The following MDFI variants were observed in gnomAD, a reference collection of about 807,000 sequenced individuals.
MDFI encodes the protein inhibitor of MyoD family a.
A neutral mutation model predicts 22.3 loss-of-function variants in MDFI; 16 were observed. The observed-to-expected ratio is 0.72, with a 90% CI of 0.49 to 1.09. MDFI has a LOEUF of 1.09. MDFI is among the 50% of genes least tolerant of loss of function. The pLI is 0.00. For missense variants in MDFI, 314 were observed against 326.1 expected (o/e 0.96, Z 0.29); for synonymous variants, 145 against 142.7 (o/e 1.02, Z -0.12).
chr6:41,646,978 A>G (rs1768075905), intron 3 of MDFI, among the ~76,000 whole-genome samples: 1 of 152,216 alleles, frequency 6.6e-6, no homozygotes, highest in Admixed American at 6.5e-5. Flanking sequence ...ACAGGCACAG[A>G]GAACGGCCCA....
In MDFI at chr6:41,646,645, C is replaced by T. The variant is rs372173467; in HGVS notation, c.259+337C>T. ...AGGGAGCCAGGGCCTGATGCATCTC[C>T]ATCCTTCCGGGAATCAGGGATAAAA... On this transcript the variant is annotated intron_variant, in intron 3 of 4. Coordinates refer to ENST00000230321, the MANE Select transcript of MDFI (RefSeq NM_005586.4). 5.9e-5 allele frequency among the ~76,000 whole-genome samples: 9 copies of T among 152,288 alleles called. 1 individual carries two copies. The South Asian group carries it at 1.9e-3, about 32-fold the overall frequency.
chr6:41,649,687 C>G lies in MDFI; in HGVS notation c.328C>G (p.Leu110Val), dbSNP rs201452156. ...LPNDSGHPSE[L>V]GGTRRAGNGA... ...GAATGACTCTGGCCACCCCTCAGAG[C>G]TGGGCGGCACCAGACGGGCGGGGAA... Residue 110 changes from leucine to valine, a missense_variant, in exon 4 of 5, where the codon CTG becomes GTG. By Grantham distance (32) the Leu-to-Val change is conservative (BLOSUM62 1). Transcript: ENST00000230321. The G allele has an allele frequency of 2.4e-5, 39 of 1,613,694 alleles. No individual in the cohort carries two copies. The highest frequency in any genetic ancestry group is 4.2e-6 in the Non-Finnish European group (5 of 1,179,864).
Position 41,653,641 on chromosome 6 carries a change from G to T in MDFI, c.*66G>T. On this transcript the variant is annotated 3_prime_UTR_variant, in exon 5 of 5. Coordinates refer to ENST00000230321, the MANE Select transcript of MDFI (RefSeq NM_005586.4). This position sits in a 1 kb window ranked among gnomAD's most constrained non-coding sequence, Gnocchi z 4.2. ...TTCCAGCAGGGTCCCTCTGAGTGGG[G>T]CCAGGCCCAGGACTGTCACACAAGG... The T allele has an allele frequency of 6.3e-7, 1 of 1,577,888 alleles. No individual in the cohort carries two copies. The highest frequency in any genetic ancestry group is 1.3e-5 in the African/African-American group (1 of 74,652).
intron 4 of MDFI, among the ~76,000 whole-genome samples, chr6:41,652,402 G>T (rs371328575): frequency 3.9e-5 from 6 of 152,140 alleles, no homozygotes; most frequent in South Asian, 4.1e-4. Context: ...TATCACAAGC[G>T]ACATGTGAAC....
intron 4 of MDFI, chr6:41,650,142 C>T (rs1768215768): frequency 8.0e-6 from 3 of 373,710 alleles, no homozygotes; most frequent in Non-Finnish European, 9.6e-6. Flanking sequence ...CCTTCTTTCC[C>T]AGAGTTGCTG....
In MDFI at chr6:41,646,163, A is replaced by G; in HGVS notation, c.114A>G (p.Val38=). ...TLSLLPGLEV[V]TGSTHPAEAA... ...CCCTCCTTCCTGGGCTGGAGGTAGT[A>G]ACAGGATCCACTCACCCTGCGGAGG... The change falls in exon 3 of 5, where the codon GTA becomes GTG. Residue 38 remains valine, a synonymous_variant. Coordinates refer to ENST00000230321, the MANE Select transcript of MDFI (RefSeq NM_005586.4). The G allele has an allele frequency of 6.4e-7, 1 of 1,572,510 alleles. No individual in the cohort carries two copies. Among genetic ancestry groups the G allele is most frequent in the South Asian group, 1.2e-5 (1 of 84,814 alleles).
rs1405036164 is a variant in MDFI, at chr6:41,651,819, C to T, written c.485-1500C>T. On this transcript the variant is annotated intron_variant, in intron 4 of 4. Coordinates refer to ENST00000230321, the MANE Select transcript of MDFI (RefSeq NM_005586.4). Reference sequence around the variant, plus strand: ...CACGGAGGGCTGCAGGACGTGGGTTCTAGAGCCAGCAGCCTGGATTCAAGT... The same window carrying T: ...CACGGAGGGCTGCAGGACGTGGGTTTTAGAGCCAGCAGCCTGGATTCAAGT... 2.6e-5 allele frequency among the ~76,000 whole-genome samples: 4 copies of T among 152,218 alleles called. No homozygotes were observed. The East Asian group carries it at 7.7e-4, about 29-fold the overall frequency.
At chr6:41,649,536 G>A (rs543243005) in intron 3 of MDFI, 83 bp from the exon 4 acceptor site, 2 of 1,273,160 alleles carry the variant, frequency 1.6e-6, no homozygotes, top group Non-Finnish European at 2.2e-6. Context: ...ATGTAAGAAT[G>A]CAGCAGGCAG....
intron 2 of MDFI, among the ~76,000 whole-genome samples, chr6:41,643,791 A>G (rs965790058): frequency 2.0e-5 from 3 of 152,164 alleles, no homozygotes; most frequent in Non-Finnish European, 4.4e-5. Context: ...ACCCTGTGGC[A>G]TGAGATTAGG....
At chr6:41,639,570 C>G in intron 2 of MDFI, 1 of 985,464 alleles carries the variant, frequency 1.0e-6, no homozygotes, top group Non-Finnish European at 1.2e-6. Context: ...CTTCCCCTCA[C>G]TGGCCAGATG....
intron 4 of MDFI, chr6:41,650,199 G>T (rs999150649): frequency 5.9e-5 from 12 of 204,934 alleles, no homozygotes; most frequent in African/African-American, 2.9e-4. Flanking sequence ...AAGCCACTCT[G>T]TTTCTGGAAA....
At position 41,653,485 on chromosome 6, in the gene MDFI, C is replaced by T; in HGVS notation, c.651C>T (p.Asp217=). ...GECADCDLPC[D]LDCGILDACC... ...GTGCCGACTGCGACCTGCCCTGCGA[C>T]CTGGACTGCGGCATCCTGGATGCCT... Residue 217 remains aspartate (D), a synonymous_variant, in exon 5 of 5, where the codon GAC becomes GAT. Coordinates refer to ENST00000230321, the MANE Select transcript of MDFI (RefSeq NM_005586.4). The surrounding 1 kb of genome is among the most constrained non-coding windows in gnomAD (Gnocchi z 4.2). The T allele has an allele frequency of 6.2e-7, 1 of 1,603,332 alleles. No individual in the cohort carries two copies.
intron 3 of MDFI, among the ~76,000 whole-genome samples, chr6:41,646,539 G>C (rs1331846398): frequency 6.6e-6 from 1 of 152,148 alleles, no homozygotes; most frequent in African/African-American, 2.4e-5. Flanking sequence ...CAGGCAAAAT[G>C]GCTCAGGACA....
At chr6:41,652,940 T>C (rs1768330943) in intron 4 of MDFI, among the ~76,000 whole-genome samples, 2 of 152,156 alleles carry the variant, frequency 1.3e-5, no homozygotes, top group South Asian at 4.1e-4. Context: ...CCTCAGTCTC[T>C]TCATCTGTAG....
chr6:41,646,824 A>G (rs1304383030), intron 3 of MDFI, among the ~76,000 whole-genome samples: 1 of 152,240 alleles, frequency 6.6e-6, no homozygotes, highest in Non-Finnish European at 1.5e-5. Context: ...GGATCATTTT[A>G]TAACTAACGA....
At position 41,649,266 on chromosome 6, in the gene MDFI, C is replaced by T. The variant is rs567156838; in HGVS notation, c.260-353C>T. Reference sequence around the variant, plus strand: ...GCCAAACCACCCCTCTTCCCCAGCACTGCCACTGCCACCACTCTGCCAAAA... The same window carrying T: ...GCCAAACCACCCCTCTTCCCCAGCATTGCCACTGCCACCACTCTGCCAAAA... On this transcript the variant is annotated intron_variant, in intron 3 of 4. Transcript: ENST00000230321. 1.5e-4 allele frequency among the ~76,000 whole-genome samples: 23 copies of T among 152,376 alleles called. No homozygotes were observed. The East Asian group carries it at 4.2e-3, about 28-fold the overall frequency.
intron 3 of MDFI, among the ~76,000 whole-genome samples, chr6:41,647,516 T>C (rs1401677841): frequency 6.6e-6 from 1 of 152,160 alleles, no homozygotes; most frequent in African/African-American, 2.4e-5. Context: ...CTTAACCCTG[T>C]TTATCCAGAT....
In MDFI at chr6:41,638,959, G is replaced by A; in HGVS notation, c.76+134G>A. The A allele has an allele frequency of 9.4e-7, 1 of 1,066,154 alleles. No individual in the cohort carries two copies. The highest frequency in any genetic ancestry group is 1.3e-6 in the Non-Finnish European group (1 of 760,596). The allele number at this position is 1,066,154 out of a possible 1,614,324, so 66.0% of individuals were successfully genotyped here. On this transcript the variant is annotated intron_variant, in intron 2 of 4. Transcript: ENST00000230321. This position sits in a 1 kb window ranked among gnomAD's most constrained non-coding sequence, Gnocchi z 7.6. ...AGCTTGGTGGGGGTAGGGACGAAAA[G>A]TCTGGGTTTGAGGACTTGGTCCAAG...
chr6:41,643,310 T>C (rs1767917082), intron 2 of MDFI, among the ~76,000 whole-genome samples: 1 of 152,190 alleles, frequency 6.6e-6, no homozygotes, highest in South Asian at 2.1e-4. Context: ...CTCAGCCATC[T>C]GGGCTAGGTG....
Sources: allele counts gnomAD v4.1 joint callset (sites outside exome capture counted in the v4.1 genomes callset), GRCh38; gene constraint gnomAD v4.1.1; non-coding constraint Gnocchi (gnomAD v3.1); transcripts MANE v1.5; gene names NCBI Gene and HGNC (gene_info 2026-07-23, HGNC 2026-07-21).